Variants in NFATC1 observed in about 807,000 individuals in gnomAD.
The protein encoded by NFATC1 is nuclear factor of activated T-cells, cytoplasmic 1.
NFATC1 carries 22 observed loss-of-function variants against 76.0 expected under a neutral mutation model. The ratio of observed to expected loss-of-function variants is 0.29; its 90% CI spans 0.21 to 0.41. The LOEUF (loss-of-function observed/expected upper bound fraction) is 0.41, where lower values mean the gene tolerates loss of function less well. Ranked by LOEUF, NFATC1 falls within the 10% of genes least tolerant of loss-of-function variation. The probability of loss-of-function intolerance (pLI) is 1.00; values close to 1 mark genes in which losing one functional copy is unlikely to be tolerated. For missense variants in NFATC1, 1,357 were observed against 1,337.7 expected, an observed-to-expected ratio of 1.01 and a Z score of -0.23; for synonymous variants, 704 against 613.1, an observed-to-expected ratio of 1.15 and a Z score of -2.19.
rs2090699684 is a variant in NFATC1, at chr18:79,524,552, G to A, written c.2783-2976G>A. Among the ~76,000 whole-genome samples the A allele has an allele frequency of 6.6e-6, 1 of 152,206 alleles. No homozygotes were observed. Among genetic ancestry groups the A allele is most frequent in the Non-Finnish European group, 1.5e-5 (1 of 68,018 alleles). On this transcript the variant is annotated intron_variant, in intron 9 of 9. Transcript: ENST00000427363. The surrounding 1 kb of genome is among the most constrained non-coding windows in gnomAD (Gnocchi z 7.2). The stretch of plus-strand genomic sequence containing the variant: ...GACCTTGTGGAACACACTTGACCCG[G>A]CGCTGGGACGGGGTCGGCCCACACG...
At chr18:79,482,827 G>C (rs375583628) in intron 8 of NFATC1, among the ~76,000 whole-genome samples, 1 of 137,466 alleles carries the variant, frequency 7.3e-6, no homozygotes, top group Admixed American at 7.5e-5. Flanking sequence ...TGGTCCGGGG[G>C]TGTAATTCCA....
rs2085602691 is a variant in NFATC1 at position 79,409,976 on chromosome 18, G to A, written c.128-427G>A. On this transcript the variant is annotated intron_variant, in intron 1 of 9. Transcript: ENST00000427363. ...TTTGGGGTTTAAATGAAGATGGGGTGGTTGAGGAAGGTGGTTTTTGAATGA... is the reference window on the plus strand; with the variant it reads ...TTTGGGGTTTAAATGAAGATGGGGTAGTTGAGGAAGGTGGTTTTTGAATGA... 6 of 532,304 alleles carry A rather than the reference G, an allele frequency of 1.1e-5. No homozygotes were observed. The Admixed American group carries it at 1.2e-4, about 10-fold the overall frequency. 33.0% of individuals were successfully genotyped at this position (532,304 alleles called of 1,614,324 possible). A position where few individuals can be genotyped will look rare whatever the true frequency, so the allele number is the denominator to read the frequency against.
rs767042185 is a variant in NFATC1 at position 79,410,523 on chromosome 18, C to T, written c.248C>T (p.Ala83Val). Residue 83 changes from alanine (A) to valine (V), a missense_variant, in exon 2 of 10, where the codon GCG (alanine) becomes GTG (valine). Transcript: ENST00000427363. This position sits in a 1 kb window ranked among gnomAD's most constrained non-coding sequence, Gnocchi z 6.7. ...QTSTPGIIPP[A>V]DHPSGYGAAL... The stretch of plus-strand genomic sequence containing the variant: ...TCCACACCGGGCATCATCCCGCCGG[C>T]GGATCACCCCTCGGGGTACGGAGCA... The T allele has an allele frequency of 3.1e-5, 50 of 1,611,686 alleles. No homozygotes were observed. The highest frequency in any genetic ancestry group is 3.8e-5 in the Non-Finnish European group (45 of 1,179,986).
intron 2 of NFATC1, among the ~76,000 whole-genome samples, chr18:79,423,017 T>TG (rs1176949342): frequency 1.3e-5 from 2 of 149,274 alleles, no homozygotes; most frequent in Non-Finnish European, 3.0e-5. Context: ...GGGACAGTGT[T>TG]GGGGGCTGCT....
At position 79,484,064 on chromosome 18, in the gene NFATC1, G is replaced by A. The variant is rs1402992391; in HGVS notation, c.2093-2184G>A. Among the ~76,000 whole-genome samples, 28 of 151,780 alleles carry A rather than the reference G, an allele frequency of 1.8e-4. 1 individual carries two copies. Among genetic ancestry groups the A allele is most frequent in the Admixed American group, 1.3e-3 (20 of 15,242 alleles). On this transcript the variant is annotated intron_variant, in intron 8 of 9. Transcript: ENST00000427363. ...GTCATTCCAGGGTGACCTGGTCCTG[G>A]GGTGTCATTCCAGTGTGACCTCGGC...
In NFATC1 at chr18:79,433,804, C is replaced by T. The variant is rs367551725; in HGVS notation, c.1386+66C>T. 2.3e-5 allele frequency: 36 copies of T among 1,560,832 alleles called. No homozygotes were observed. In the African/African-American group the frequency reaches 4.6e-4, roughly 20 times the overall value. On this transcript the variant is annotated intron_variant, in intron 3 of 9. Coordinates refer to ENST00000427363, the MANE Select transcript of NFATC1 (RefSeq NM_001278669.2). ...TGTGGTCAAAAAGTAACTTTGGAGCCACAGCTAACTGTGCTTAGACTCTCC... is the reference window on the plus strand; with the variant it reads ...TGTGGTCAAAAAGTAACTTTGGAGCTACAGCTAACTGTGCTTAGACTCTCC...
intron 9 of NFATC1, among the ~76,000 whole-genome samples, chr18:79,490,807 C>T (rs1415683810): frequency 2.0e-5 from 3 of 152,148 alleles, no homozygotes; most frequent in Non-Finnish European, 4.4e-5. Flanking sequence ...GTCGGCCCCT[C>T]CCCTGCAGAT....
chr18:79,424,565 G>T lies in NFATC1; in HGVS notation c.1227-9014G>T, dbSNP rs1226485050. ...TCTCTCTCTGTCTCTGTCTCTCTCT[G>T]TCTCTGTCTCTCCATCTCTTTCTCT... On this transcript the variant is annotated intron_variant, in intron 2 of 9. Transcript: ENST00000427363. Among the ~76,000 whole-genome samples the T allele has an allele frequency of 1.4e-5, 2 of 146,670 alleles. 1 individual carries two copies. The highest frequency in any genetic ancestry group is 4.4e-4 in the South Asian group (2 of 4,580).
chr18:79,426,120 G>C (rs570288754), intron 2 of NFATC1, among the ~76,000 whole-genome samples: 184 of 152,294 alleles, frequency 1.2e-3, no homozygotes, highest in African/African-American at 3.8e-3. Context: ...TGAGGTGGGA[G>C]GATCCCGTGA....
intron 9 of NFATC1, among the ~76,000 whole-genome samples, chr18:79,501,217 G>T (rs1040122022): frequency 6.6e-6 from 1 of 152,088 alleles, no homozygotes; most frequent in African/African-American, 2.4e-5. Flanking sequence ...ATAGAAAAAG[G>T]ACAGAAACCA....
chr18:79,412,922 C>T (rs1466370121), intron 2 of NFATC1, among the ~76,000 whole-genome samples: 5 of 152,102 alleles, frequency 3.3e-5, no homozygotes, highest in African/African-American at 4.8e-5. Flanking sequence ...AAAAGGCTGG[C>T]GTATTCTAGG....
intron 6 of NFATC1, among the ~76,000 whole-genome samples, chr18:79,454,560 C>G (rs2087606137): frequency 6.6e-6 from 1 of 152,168 alleles, no homozygotes; most frequent in African/African-American, 2.4e-5. Flanking sequence ...TCCAGCAGGG[C>G]AGGAGGAGGG....
At chr18:79,445,710 AGGCTGAC>A (rs1568971248) in intron 3 of NFATC1, among the ~76,000 whole-genome samples, 1 of 152,216 alleles carries the variant, frequency 6.6e-6, no homozygotes, top group East Asian at 1.9e-4. Context: ...ATTTCCCTTT[AGGCTGAC>A]GGCTGCTCCT....
intron 9 of NFATC1, among the ~76,000 whole-genome samples, chr18:79,498,589 G>A (rs1294398876): frequency 6.6e-6 from 1 of 152,200 alleles, no homozygotes; most frequent in African/African-American, 2.4e-5. Flanking sequence ...TATAGAAAGA[G>A]ATGATTAGAA....
intron 8 of NFATC1, 68 bp downstream of exon 8, chr18:79,467,650 A>C: frequency 6.3e-7 from 1 of 1,596,908 alleles, no homozygotes; most frequent in South Asian, 1.1e-5. Context: ...AAAGACGCAG[A>C]AACGACGTCG....
chr18:79,507,346 G>A (rs961414472), intron 9 of NFATC1, among the ~76,000 whole-genome samples: 3 of 152,264 alleles, frequency 2.0e-5, no homozygotes, highest in African/African-American at 7.2e-5. Flanking sequence ...CTGCGGGTTA[G>A]AGGGCTGTGC....
chr18:79,425,309 T>A (rs2086288387), intron 2 of NFATC1, among the ~76,000 whole-genome samples: 1 of 133,068 alleles, frequency 7.5e-6, no homozygotes, highest in African/African-American at 2.8e-5. Context: ...CTCTTTCTCT[T>A]TTAACTAAGG....
At chr18:79,451,438 T>C (rs1189171014) in intron 5 of NFATC1, among the ~76,000 whole-genome samples, 3 of 152,334 alleles carry the variant, frequency 2.0e-5, no homozygotes, top group South Asian at 2.1e-4. Context: ...TTGAGTGAAA[T>C]TGGCTGAGTC....
intron 4 of NFATC1, among the ~76,000 whole-genome samples, chr18:79,449,259 A>AT (rs1394317970): frequency 6.6e-6 from 1 of 152,246 alleles, no homozygotes; most frequent in Non-Finnish European, 1.5e-5. Flanking sequence ...CAGGACCCCT[A>AT]TTTCTTTCCG....
Sources: allele counts gnomAD v4.1 joint callset (sites outside exome capture counted in the v4.1 genomes callset), GRCh38; gene constraint gnomAD v4.1.1; non-coding constraint Gnocchi (gnomAD v3.1); transcripts MANE v1.5; gene names NCBI Gene and HGNC (gene_info 2026-07-23, HGNC 2026-07-21).